OR2AK2: variants seen among roughly 807,000 people sequenced by gnomAD.
OR2AK2 encodes olfactory receptor 2AK2.
For missense variants in OR2AK2, 392 were observed against 384.1 expected (o/e 1.02, Z -0.17); for synonymous variants, 139 against 147.2 (o/e 0.94, Z 0.40).
chr1:247,965,483 C>A, exon 1 of OR2AK2: 1 of 1,613,750 alleles, frequency 6.2e-7, no homozygotes, highest in Non-Finnish European at 8.5e-7. Flanking sequence ...ACCCTCTTTA[C>A]AGTTGCTCTG....
chr1:247,966,155 C>G, exon 1 of OR2AK2: 2 of 1,614,158 alleles, frequency 1.2e-6, no homozygotes, highest in Non-Finnish European at 1.7e-6. Context: ...TTTACCTACA[C>G]AAGGCCACAC....
At chr1:247,965,367 G>T in exon 1 of OR2AK2, 3 of 1,602,386 alleles carry the variant, frequency 1.9e-6, no homozygotes, top group South Asian at 1.1e-5. Context: ...TTGATATTTT[G>T]GTTTCAGCCA....
exon 1 of OR2AK2, chr1:247,965,757 T>C (rs911455712): frequency 6.3e-7 from 1 of 1,575,452 alleles, no homozygotes; most frequent in Non-Finnish European, 8.6e-7. Flanking sequence ...TAGCTATCTG[T>C]CACCCTTTAC....
Position 247,965,476 on chromosome 1 carries a change from CT to C in OR2AK2, c.101del (p.Leu34ProfsTer6). 1 of 1,613,894 alleles carries C rather than the reference CT, an allele frequency of 6.2e-7. No individual in the cohort carries two copies. Among genetic ancestry groups the C allele is most frequent in the Non-Finnish European group, 8.5e-7 (1 of 1,179,876 alleles). On this transcript the variant is annotated frameshift_variant, in exon 1 of 1. Transcript: ENST00000366480. LOFTEE classifies it low-confidence loss of function (END_TRUNC). ...TCTTCTCTTTGTCGTCATTGCCACC[CT>C]CTTTACAGTTGCTCTGACAGGAAAT...
chr1:247,965,261 C>T, exon 1 of OR2AK2: 1 of 1,268,604 alleles, frequency 7.9e-7, no homozygotes, highest in Admixed American at 3.0e-5. Context: ...AGTTGCCAAA[C>T]ATGTAAGTGA....
exon 1 of OR2AK2, chr1:247,965,850 A>T (rs1465887588): frequency 6.2e-7 from 1 of 1,613,602 alleles, no homozygotes; most frequent in Non-Finnish European, 8.5e-7. Flanking sequence ...ATGCTTTCAT[A>T]CATACATTGT....
exon 1 of OR2AK2, chr1:247,965,991 T>A: frequency 1.2e-6 from 2 of 1,612,064 alleles, no homozygotes; most frequent in Non-Finnish European, 1.7e-6. Flanking sequence ...GTGGACTTAT[T>A]ATCTTGCTAC....
chr1:247,966,014 C>G lies in OR2AK2; in HGVS notation c.638C>G (p.Ala213Gly). 6.2e-7 allele frequency: 1 copy of G among 1,613,516 alleles called. No individual in the cohort carries two copies. ...ATTATCTTGCTACTACCATTCCTAG[C>G]CATTCTGGCTTCCTATGCTCGTGTG... The change falls in exon 1 of 1, where the codon GCC (alanine) becomes GGC (glycine). Residue 213 changes from alanine (A) to glycine (G), a missense_variant. Coordinates refer to ENST00000366480, the Ensembl canonical transcript of OR2AK2.
exon 1 of OR2AK2, chr1:247,965,776 A>T (rs140557072): frequency 2.5e-6 from 4 of 1,596,138 alleles, no homozygotes; most frequent in Non-Finnish European, 2.6e-6. Context: ...ACATTATCCT[A>T]TGCTTATGAG....
At chr1:247,965,377 A>C (rs139465428) in exon 1 of OR2AK2, 14 of 1,608,270 alleles carry the variant, frequency 8.7e-6, no homozygotes, top group Non-Finnish European at 7.6e-6. Context: ...GGTTTCAGCC[A>C]TGAAAACAGG....
chr1:247,965,938 G>A (rs4478844), exon 1 of OR2AK2: 974,305 of 1,608,454 alleles, frequency 0.61, 304,847 homozygotes, highest in Non-Finnish European at 0.65. Flanking sequence ...ACTATCATTG[G>A]TGTGTCAGGA....
chr1:247,966,288 G>C (rs1344134134), exon 1 of OR2AK2: 5 of 1,613,802 alleles, frequency 3.1e-6, no homozygotes, highest in Non-Finnish European at 4.2e-6. Context: ...TGAGGAGACT[G>C]TTGGGATATT....
At chr1:247,965,353 T>C in exon 1 of OR2AK2, 1 of 1,590,306 alleles carries the variant, frequency 6.3e-7, no homozygotes, top group Non-Finnish European at 8.6e-7. Flanking sequence ...AGATGTCATC[T>C]CCTTTGATAT....
At position 247,965,266 on chromosome 1, in the gene OR2AK2, A is replaced by T; in HGVS notation, c.-111A>T. The stretch of plus-strand genomic sequence containing the variant: ...ACATGTAGATAGTTGCCAAACATGT[A>T]AGTGAATATTTATTTCTGAATGCCA... On this transcript the variant is annotated 5_prime_UTR_variant, in exon 1 of 1. The change abolishes the stop of an existing upstream ORF in the 5' untranslated region. Transcript: ENST00000366480. 1.5e-6 allele frequency: 2 copies of T among 1,299,680 alleles called. No homozygotes were observed. Among genetic ancestry groups the T allele is most frequent in the Non-Finnish European group, 2.1e-6 (2 of 959,012 alleles). The allele number at this position is 1,299,680 out of a possible 1,614,324, so 80.5% of individuals were successfully genotyped here.
rs756642885 is a variant in OR2AK2 at position 247,966,116 on chromosome 1, T to C, written c.740T>C (p.Val247Ala). ...TCCACTTGTTCCTCCCACCTGATTG[T>C]GGCAAGCCTGTTCTATGCAACCACT... is the stretch of plus-strand genomic sequence containing the variant. The change falls in exon 1 of 1, where the codon GTG becomes GCG. Residue 247 changes from valine (V) to alanine (A), a missense_variant. By Grantham distance (64) the Val-to-Ala change is moderately conservative. Coordinates refer to ENST00000366480, the Ensembl canonical transcript of OR2AK2. 1.9e-6 allele frequency: 3 copies of C among 1,612,142 alleles called. No individual in the cohort carries two copies. In the Admixed American group the frequency reaches 5.0e-5, roughly 27 times the overall value.
chr1:247,966,217 G>A (rs779232943), exon 1 of OR2AK2: 1 of 1,613,608 alleles, frequency 6.2e-7, no homozygotes, highest in Non-Finnish European at 8.5e-7. Flanking sequence ...TTACACCATT[G>A]TCACACCTCT....
At chr1:247,965,523 T>G in exon 1 of OR2AK2, 1 of 1,613,326 alleles carries the variant, frequency 6.2e-7, no homozygotes, top group Non-Finnish European at 8.5e-7. Flanking sequence ...TCCACCTCAT[T>G]CGACTGAACA....
chr1:247,965,718 C>T (rs41308168), exon 1 of OR2AK2: 29,631 of 1,556,118 alleles, frequency 0.019, 553 homozygotes, highest in East Asian at 0.1. Flanking sequence ...AAGCCCTTCT[C>T]CTTGGTTTTA....
At chr1:247,965,599 T>C (rs771487807) in exon 1 of OR2AK2, 4 of 1,575,508 alleles carry the variant, frequency 2.5e-6, no homozygotes, top group Middle Eastern at 1.7e-4. Context: ...CATGTACATC[T>C]CCACCACAGT....
Sources: gnomAD v4.1 joint callset for allele counts on GRCh38, gnomAD v4.1.1 for gene constraint, MANE v1.5 for transcripts, NCBI Gene and HGNC (gene_info 2026-07-23, HGNC 2026-07-21) for gene names.